Variants in STK3 observed in about 807,000 individuals in gnomAD.
STK3 encodes the protein serine/threonine kinase 3.
Under a neutral mutation model 58.0 loss-of-function variants are expected in STK3, and 41 were observed. The ratio of observed to expected loss-of-function variants is 0.71; its 90% CI spans 0.55 to 0.92. The LOEUF is 0.92. STK3 is among the 40% of genes least tolerant of loss of function. The probability of loss-of-function intolerance (pLI) is 0.00; values close to 1 mark genes in which losing one functional copy is unlikely to be tolerated. For synonymous variants in STK3, 170 were observed against 191.0 expected (o/e 0.89, Z 0.91); for missense variants, 479 against 602.7 (o/e 0.79, Z 2.15).
At chr8:98,482,015 A>C (rs1821894006) in intron 10 of STK3, among the ~76,000 whole-genome samples, 1 of 152,210 alleles carries the variant, frequency 6.6e-6, no homozygotes, top group African/African-American at 2.4e-5. Flanking sequence ...GATTAACTTA[A>C]AAGGTCATGA....
At chr8:98,832,278 C>CTA (rs145802124) in intron 3 of STK3, among the ~76,000 whole-genome samples, 11,232 of 148,396 alleles carry the variant, frequency 0.076, 466 homozygotes, top group South Asian at 0.09. Context: ...ATATAGATAT[C>CTA]TATATATATA....
intron 6 of STK3, chr8:98,597,872 G>T: frequency 1.0e-6 from 1 of 983,342 alleles, no homozygotes. Context: ...CTGAGTGCCA[G>T]ACAATGAAAT....
At chr8:98,845,972 C>T (rs940243522) in intron 3 of STK3, among the ~76,000 whole-genome samples, 1 of 152,236 alleles carries the variant, frequency 6.6e-6, no homozygotes, top group East Asian at 1.9e-4. Context: ...TAGGAAGTTG[C>T]TGTTGTCACT....
chr8:98,938,692 G>T (rs185618102), intron 1 of STK3, among the ~76,000 whole-genome samples: 4 of 152,072 alleles, frequency 2.6e-5, no homozygotes, highest in Non-Finnish European at 5.9e-5. Flanking sequence ...GCCCACCCGT[G>T]GTCCCTCGGA....
chr8:98,351,797 C>T, the STK3 span, among the ~76,000 whole-genome samples: 1 of 152,096 alleles, frequency 6.6e-6, no homozygotes, highest in Non-Finnish European at 1.5e-5. Context: ...TGGCTAATTC[C>T]AAATCCAAGT....
chr8:98,421,563 G>T (rs1264655785), intron 3 of STK3, among the ~76,000 whole-genome samples: 1 of 152,058 alleles, frequency 6.6e-6, no homozygotes, highest in Non-Finnish European at 1.5e-5. Flanking sequence ...CACTTTTAAG[G>T]TCAGGAGTTT....
intron 4 of STK3, among the ~76,000 whole-genome samples, chr8:98,714,912 T>C (rs1049502240): frequency 6.6e-6 from 1 of 152,158 alleles, no homozygotes; most frequent in African/African-American, 2.4e-5. Flanking sequence ...CAAAACAGCA[T>C]GGTACTGGTA....
chr8:98,582,700 T>C (rs1334483584), intron 7 of STK3, among the ~76,000 whole-genome samples: 1 of 152,134 alleles, frequency 6.6e-6, no homozygotes, highest in Non-Finnish European at 1.5e-5. Flanking sequence ...TTTGTGGGCA[T>C]TTAATTCTGC....
chr8:98,688,180 T>C (rs1402362533), intron 6 of STK3, among the ~76,000 whole-genome samples: 1 of 152,186 alleles, frequency 6.6e-6, no homozygotes, highest in Non-Finnish European at 1.5e-5. Flanking sequence ...AAAAGAGCAT[T>C]ATATAATTTT....
At chr8:98,756,141 CAA>C (rs569803318) in intron 3 of STK3, among the ~76,000 whole-genome samples, 1 of 108,538 alleles carries the variant, frequency 9.2e-6, no homozygotes, top group Non-Finnish European at 1.9e-5. Context: ...GGCTCCGCCT[CAA>C]AAAAAAAAAG....
chr8:98,741,911 C>G (rs1480114978), intron 4 of STK3, among the ~76,000 whole-genome samples: 1 of 152,156 alleles, frequency 6.6e-6, no homozygotes, highest in Non-Finnish European at 1.5e-5. Flanking sequence ...CACGACCGAT[C>G]CCACAGAAAT....
chr8:98,590,233 T>C (rs779140034), intron 7 of STK3, among the ~76,000 whole-genome samples: 17 of 152,096 alleles, frequency 1.1e-4, no homozygotes, highest in Non-Finnish European at 1.5e-4. Flanking sequence ...TGCTTCCAGG[T>C]GGTTGTCTTT....
At chr8:98,905,377 C>A in intron 1 of STK3, 1 of 1,155,242 alleles carries the variant, frequency 8.7e-7, no homozygotes, top group South Asian at 1.2e-5. Flanking sequence ...CCATACTTCT[C>A]AAACTTGGCT....
chr8:98,785,210 C>G (rs1032338685), intron 1 of STK3, among the ~76,000 whole-genome samples: 1 of 152,332 alleles, frequency 6.6e-6, no homozygotes, highest in South Asian at 2.1e-4. Context: ...TAACTCCAGG[C>G]ATTCAGAGCA....
chr8:98,371,493 G>A (rs1379289737), exon 3 of STK3: 2 of 152,218 alleles, frequency 1.3e-5, no homozygotes, highest in African/African-American at 4.8e-5. Flanking sequence ...GTTCTTTGTA[G>A]GCTGCTGGAT....
intron 1 of STK3, chr8:98,905,584 C>T (rs544213692): frequency 1.9e-6 from 2 of 1,064,714 alleles, no homozygotes; most frequent in East Asian, 4.8e-5. Context: ...ATGTCACATT[C>T]CAGCACCTTC....
intron 9 of STK3, among the ~76,000 whole-genome samples, chr8:98,543,177 G>T (rs1422010425): frequency 2.9e-5 from 4 of 139,394 alleles, no homozygotes; most frequent in African/African-American, 5.0e-5. Context: ...CCCACAGGAG[G>T]ATTTAGGCAT....
intron 1 of STK3, among the ~76,000 whole-genome samples, chr8:98,808,761 T>C (rs545924229): frequency 3.3e-5 from 5 of 152,212 alleles, no homozygotes; most frequent in Non-Finnish European, 7.3e-5. Context: ...AATTATCTTT[T>C]GCTATTCATA....
At chr8:98,575,044 T>C (rs577161596) in intron 8 of STK3, among the ~76,000 whole-genome samples, 218 of 152,120 alleles carry the variant, frequency 1.4e-3, no homozygotes, top group Non-Finnish European at 2.5e-3. Flanking sequence ...GTAAGAAACA[T>C]CTCTTTTGTT....
Sources: gnomAD v4.1 joint callset for allele counts (sites outside exome capture counted in the v4.1 genomes callset) on GRCh38, gnomAD v4.1.1 for gene constraint, MANE v1.5 for transcripts, NCBI Gene and HGNC (gene_info 2026-07-23, HGNC 2026-07-21) for gene names.